The following NCOA2 variants were observed in gnomAD, a reference collection of about 807,000 sequenced individuals.
The protein encoded by NCOA2 is class E basic helix-loop-helix protein 75.
In NCOA2, 21 loss-of-function variants were observed where a neutral mutation model predicts 145.1. That is an observed-to-expected ratio of 0.14 (90% CI 0.10 to 0.21). NCOA2 has a LOEUF of 0.21. NCOA2 is among the 10% of genes least tolerant of loss of function. NCOA2 has a pLI of 1.00. For synonymous variants in NCOA2, 619 were observed against 637.5 expected, an observed-to-expected ratio of 0.97 and a Z score of 0.44; for missense variants, 1,472 against 1,837.6, an observed-to-expected ratio of 0.80 and a Z score of 3.64.
At chr8:70,280,184 A>C (rs1825766989) in intron 2 of NCOA2, among the ~76,000 whole-genome samples, 1 of 152,204 alleles carries the variant, frequency 6.6e-6, no homozygotes, top group African/African-American at 2.4e-5. Context: ...ACCTTAGTAG[A>C]AGCCATAACC....
chr8:70,248,582 C>A (rs757445299), intron 2 of NCOA2, among the ~76,000 whole-genome samples: 11 of 152,046 alleles, frequency 7.2e-5, no homozygotes, highest in Non-Finnish European at 1.3e-4. Flanking sequence ...CCCCTGGATA[C>A]CAAAATCCAT....
At chr8:70,346,903 T>C (rs1376170462) in intron 1 of NCOA2, among the ~76,000 whole-genome samples, 1 of 152,218 alleles carries the variant, frequency 6.6e-6, no homozygotes, top group Non-Finnish European at 1.5e-5. Flanking sequence ...GACAGGCTAA[T>C]GGACAGGTTA....
At chr8:70,384,018 C>G (rs1053460690) in intron 1 of NCOA2, among the ~76,000 whole-genome samples, 4 of 152,106 alleles carry the variant, frequency 2.6e-5, no homozygotes, top group African/African-American at 7.2e-5. Context: ...CAGTGTACTC[C>G]ATTTGTGTAT....
chr8:70,420,931 C>G, the NCOA2 span, among the ~76,000 whole-genome samples: 1 of 152,160 alleles, frequency 6.6e-6, no homozygotes, highest in Non-Finnish European at 1.5e-5. Flanking sequence ...GCGTGAGCCA[C>G]TGCACCCGGC....
intron 4 of NCOA2, among the ~76,000 whole-genome samples, chr8:70,204,365 AAAAC>A (rs1169893733): frequency 3.3e-5 from 5 of 152,216 alleles, no homozygotes; most frequent in Non-Finnish European, 7.3e-5. Flanking sequence ...CATCCTTACA[AAAAC>A]AAACAGGGCT....
chr8:70,357,042 T>C (rs1482150121), intron 1 of NCOA2, among the ~76,000 whole-genome samples: 1 of 152,220 alleles, frequency 6.6e-6, no homozygotes, highest in African/African-American at 2.4e-5. Flanking sequence ...TTTCCTCCAC[T>C]ACCTATACAT....
In NCOA2 at chr8:70,238,974, T is replaced by A. The variant is rs1045337511; in HGVS notation, c.-19-22210A>T. Among the ~76,000 whole-genome samples the A allele has an allele frequency of 2.0e-5, 3 of 152,192 alleles. No homozygotes were observed. The South Asian group carries it at 6.2e-4, about 31-fold the overall frequency. Reference sequence around the variant, plus strand: ...TCTAGAGAAACAATAGATTTTTGTGTCTCACAGTAGTTGGGTTGATTTCTC... The same window carrying A: ...TCTAGAGAAACAATAGATTTTTGTGACTCACAGTAGTTGGGTTGATTTCTC... On this transcript the variant is annotated intron_variant, in intron 2 of 22. Transcript: ENST00000452400.
chr8:70,166,052 G>A (rs1386496971), intron 7 of NCOA2, among the ~76,000 whole-genome samples: 1 of 152,110 alleles, frequency 6.6e-6, no homozygotes, highest in Non-Finnish European at 1.5e-5. Context: ...TCGATCTCCT[G>A]ATCTCGTGAT....
chr8:70,441,919 C>T, the NCOA2 span, among the ~76,000 whole-genome samples: 1 of 134,274 alleles, frequency 7.4e-6, no homozygotes, highest in Admixed American at 8.3e-5. Flanking sequence ...GGGTCACAGT[C>T]ACAGGTGGGA....
intron 2 of NCOA2, among the ~76,000 whole-genome samples, chr8:70,289,799 T>C (rs1826523682): frequency 6.6e-6 from 1 of 152,162 alleles, no homozygotes; most frequent in Non-Finnish European, 1.5e-5. Flanking sequence ...GTTGACTCCC[T>C]ACTTGGCCAT....
intron 4 of NCOA2, among the ~76,000 whole-genome samples, chr8:70,194,236 T>C (rs1817011878): frequency 6.6e-6 from 1 of 152,260 alleles, no homozygotes; most frequent in Non-Finnish European, 1.5e-5. Context: ...ATTCATTTTC[T>C]AGGTGGAAGT....
At chr8:70,394,994 C>T (rs115021039) in intron 1 of NCOA2, among the ~76,000 whole-genome samples, 1,733 of 152,236 alleles carry the variant, frequency 0.011, 42 homozygotes, top group African/African-American at 0.04. Flanking sequence ...GTGTTTTTGG[C>T]AGAGTAAATC....
chr8:70,269,350 A>G (rs1586316078), intron 2 of NCOA2, among the ~76,000 whole-genome samples: 1 of 152,150 alleles, frequency 6.6e-6, no homozygotes, highest in East Asian at 1.9e-4. Context: ...AGTGGCTCAC[A>G]CCTATAATCC....
At chr8:70,289,056 A>G (rs1254365327) in intron 2 of NCOA2, among the ~76,000 whole-genome samples, 1 of 152,252 alleles carries the variant, frequency 6.6e-6, no homozygotes, top group Non-Finnish European at 1.5e-5. Context: ...AAAGAATTTT[A>G]TATTTCTATT....
intron 3 of NCOA2, among the ~76,000 whole-genome samples, chr8:70,216,378 G>C (rs1819618762): frequency 6.6e-6 from 1 of 152,026 alleles, no homozygotes; most frequent in African/African-American, 2.4e-5. Flanking sequence ...GGATCTTCTT[G>C]TTATAATATT....
the NCOA2 span, among the ~76,000 whole-genome samples, chr8:70,422,229 T>A: frequency 8.5e-4 from 130 of 152,316 alleles, 1 homozygote; most frequent in East Asian, 0.022. Context: ...TTGAAAGCTT[T>A]AGTTAAACTA....
chr8:70,323,066 T>C (rs58374832), intron 1 of NCOA2, among the ~76,000 whole-genome samples: 4,047 of 152,288 alleles, frequency 0.027, 168 homozygotes, highest in African/African-American at 0.092. Context: ...GGTCTGCTAA[T>C]TACTGAGTCA....
At chr8:70,216,889 T>C (rs1425972505) in intron 2 of NCOA2, 125 bp from the exon 3 acceptor site, 9 of 467,038 alleles carry the variant, frequency 1.9e-5, no homozygotes, top group African/African-American at 6.8e-5. Flanking sequence ...GTAATTAACA[T>C]TGTTTTATGT....
intron 2 of NCOA2, among the ~76,000 whole-genome samples, chr8:70,286,975 G>A (rs750744622): frequency 6.6e-6 from 1 of 152,114 alleles, no homozygotes; most frequent in Non-Finnish European, 1.5e-5. Context: ...AGGTGTGGTG[G>A]CTCATGCTTG....
Sources: allele counts gnomAD v4.1 joint callset (sites outside exome capture counted in the v4.1 genomes callset), GRCh38; gene constraint gnomAD v4.1.1; transcripts MANE v1.5; gene names NCBI Gene and HGNC (gene_info 2026-07-23, HGNC 2026-07-21).